The following EPHB1 variants were observed in gnomAD, a reference collection of about 807,000 sequenced individuals.
The protein encoded by EPHB1 is EPH receptor B1, also known as ephrin type-B receptor 1.
Under a neutral mutation model 94.4 loss-of-function variants are expected in EPHB1, and 30 were observed. The ratio of observed to expected loss-of-function variants is 0.32; its 90% CI spans 0.24 to 0.43. The LOEUF (loss-of-function observed/expected upper bound fraction) is 0.43. Ranked by LOEUF, EPHB1 falls within the 20% of genes least tolerant of loss-of-function variation. The pLI, the probability that EPHB1 is intolerant of heterozygous loss-of-function variation, is 1.00. For synonymous variants in EPHB1, 522 were observed against 489.1 expected, an observed-to-expected ratio of 1.07 and a Z score of -0.89; for missense variants, 1,055 against 1,308.3, an observed-to-expected ratio of 0.81 and a Z score of 2.99.
chr3:134,797,886 C>T (rs1047358443), intron 1 of EPHB1, among the ~76,000 whole-genome samples: 3 of 152,214 alleles, frequency 2.0e-5, no homozygotes, highest in African/African-American at 7.2e-5. Context: ...GGTCCCTACT[C>T]AGTACGCAGG....
chr3:135,011,283 A>AT (rs972516939), intron 3 of EPHB1, among the ~76,000 whole-genome samples: 6 of 152,030 alleles, frequency 3.9e-5, no homozygotes, highest in African/African-American at 1.2e-4. Context: ...AGGTCATTTG[A>AT]TTTTTTTCTA....
At chr3:134,872,348 T>G (rs557463527) in intron 1 of EPHB1, among the ~76,000 whole-genome samples, 3 of 152,242 alleles carry the variant, frequency 2.0e-5, no homozygotes, top group Non-Finnish European at 4.4e-5. Flanking sequence ...GGAGAGGCCC[T>G]TTGTGAGCAG....
At chr3:135,112,660 A>T (rs1038830000) in intron 4 of EPHB1, among the ~76,000 whole-genome samples, 5 of 150,288 alleles carry the variant, frequency 3.3e-5, no homozygotes, top group Non-Finnish European at 7.4e-5. Flanking sequence ...TGTCCTTGTG[A>T]TAGTTTGCTG....
At chr3:134,922,333 CTG>C (rs2038704932) in intron 1 of EPHB1, among the ~76,000 whole-genome samples, 1 of 152,228 alleles carries the variant, frequency 6.6e-6, no homozygotes, top group Admixed American at 6.5e-5. Context: ...CAGGAGCTCT[CTG>C]TGCCAGAAAA....
chr3:134,931,866 A>G (rs1578207136), intron 2 of EPHB1, among the ~76,000 whole-genome samples: 1 of 151,886 alleles, frequency 6.6e-6, no homozygotes, highest in African/African-American at 2.4e-5. Flanking sequence ...TATATGTGCT[A>G]TGTGTCTGTA....
rs543531166 is a variant in EPHB1 at position 134,882,676 on chromosome 3, CCTTCTTTCCTT to C, written c.59-43125_59-43115del. Among the ~76,000 whole-genome samples the C allele has an allele frequency of 1.3e-3, 192 of 151,736 alleles. 2 individuals carry two copies. Among genetic ancestry groups the C allele is most frequent in the Non-Finnish European group, 2.0e-3 (139 of 67,886 alleles). On this transcript the variant is annotated intron_variant, in intron 1 of 15. Transcript: ENST00000398015. ...TCTTTCTCTCCTTCCTTCCTTCCTT[CCTTCTTTCCTT>C]CTTCTTTCCTTCTTTCCTTCCTTCC...
At chr3:135,247,002 C>A (rs1293298781) in intron 13 of EPHB1, among the ~76,000 whole-genome samples, 1 of 152,084 alleles carries the variant, frequency 6.6e-6, no homozygotes, top group East Asian at 1.9e-4. Context: ...AAAGAATAAT[C>A]AGTTGAAATG....
chr3:134,991,567 G>C (rs956109354), intron 3 of EPHB1, among the ~76,000 whole-genome samples: 1 of 152,134 alleles, frequency 6.6e-6, no homozygotes, highest in Admixed American at 6.5e-5. Flanking sequence ...AGATAAAGGG[G>C]TCTAGAGGAA....
intron 3 of EPHB1, among the ~76,000 whole-genome samples, chr3:135,041,769 C>T (rs1411363171): frequency 2.0e-5 from 3 of 152,120 alleles, no homozygotes; most frequent in Admixed American, 6.6e-5. Flanking sequence ...TTTGTTGACT[C>T]ATGGTTCTGA....
intron 1 of EPHB1, among the ~76,000 whole-genome samples, chr3:134,913,106 G>A (rs2038489100): frequency 6.6e-6 from 1 of 152,202 alleles, no homozygotes. Flanking sequence ...TTATTGGAGA[G>A]CAGCGTCAGT....
chr3:134,835,188 G>A (rs1486999694), intron 1 of EPHB1, among the ~76,000 whole-genome samples: 1 of 152,182 alleles, frequency 6.6e-6, no homozygotes, highest in African/African-American at 2.4e-5. Flanking sequence ...ACTCCTAATT[G>A]TAGTGCTTTA....
chr3:135,214,080 C>G (rs1363436472), intron 12 of EPHB1, among the ~76,000 whole-genome samples: 2 of 152,182 alleles, frequency 1.3e-5, no homozygotes, highest in East Asian at 3.9e-4. Context: ...GACTCCCTTT[C>G]TTCCAAGCCC....
chr3:135,197,174 G>GTTTA (rs1212049042), intron 11 of EPHB1, among the ~76,000 whole-genome samples: 3 of 152,068 alleles, frequency 2.0e-5, no homozygotes, highest in Admixed American at 6.6e-5. Context: ...GTATCCCATG[G>GTTTA]TTTAGTTAAC....
At chr3:135,228,115 TC>T (rs1483737115) in intron 12 of EPHB1, among the ~76,000 whole-genome samples, 1 of 152,222 alleles carries the variant, frequency 6.6e-6, no homozygotes, top group Non-Finnish European at 1.5e-5. Context: ...CCAAAAAGTA[TC>T]TTTTTTAGCC....
intron 11 of EPHB1, 48 bp downstream of exon 11, chr3:135,192,871 G>C (rs866692261): frequency 1.3e-6 from 2 of 1,592,826 alleles, no homozygotes; most frequent in Non-Finnish European, 1.7e-6. Context: ...GCAGGTGAAT[G>C]ATGGCTGGGG....
intron 1 of EPHB1, among the ~76,000 whole-genome samples, chr3:134,865,592 C>T (rs747842534): frequency 8.6e-5 from 13 of 150,388 alleles, no homozygotes; most frequent in Middle Eastern, 3.4e-3. Flanking sequence ...AAATGTCTAT[C>T]ATTATAGAAT....
chr3:135,151,068 G>T (rs1448099746), intron 5 of EPHB1, among the ~76,000 whole-genome samples: 2 of 152,162 alleles, frequency 1.3e-5, no homozygotes, highest in East Asian at 3.8e-4. Context: ...CTACTGTGCT[G>T]CTCAGGCCAG....
At chr3:135,202,100 C>T (rs1942772003) in intron 12 of EPHB1, among the ~76,000 whole-genome samples, 1 of 152,120 alleles carries the variant, frequency 6.6e-6, no homozygotes, top group South Asian at 2.1e-4. Flanking sequence ...GACTCTTGAT[C>T]CCCTTCTCTC....
chr3:134,864,692 A>T (rs2037336246), intron 1 of EPHB1, among the ~76,000 whole-genome samples: 1 of 152,246 alleles, frequency 6.6e-6, no homozygotes, highest in South Asian at 2.1e-4. Context: ...TAAGAACCAA[A>T]ATATTGCGGC....
Sources: gnomAD v4.1 joint callset for allele counts (sites outside exome capture counted in the v4.1 genomes callset) on GRCh38, gnomAD v4.1.1 for gene constraint, MANE v1.5 for transcripts, NCBI Gene and HGNC (gene_info 2026-07-23, HGNC 2026-07-21) for gene names.